Variants in NEK10 observed in about 807,000 individuals in gnomAD.
The protein encoded by NEK10 is serine/threonine-protein kinase Nek10.
Under a neutral mutation model 159.8 loss-of-function variants are expected in NEK10, and 122 were observed. The ratio of observed to expected loss-of-function variants is 0.76; its 90% confidence interval spans 0.66 to 0.89. The LOEUF is 0.89. Among genes scored for constraint, NEK10 ranks in the 40% least tolerant of loss-of-function variants. The pLI, the probability that NEK10 is intolerant of heterozygous loss-of-function variation, is 0.00. For synonymous variants in NEK10, 466 were observed against 457.1 expected (o/e 1.02, Z -0.25); for missense variants, 1,342 against 1,323.1 (o/e 1.01, Z -0.22).
chr3:27,316,918 C>T (rs1296051841), intron 6 of NEK10, among the ~76,000 whole-genome samples: 1 of 152,180 alleles, frequency 6.6e-6, no homozygotes, highest in Non-Finnish European at 1.5e-5. Flanking sequence ...CTGCTGAGCA[C>T]TATAAGTCTC....
At chr3:27,343,814 G>A (rs529775033) in intron 5 of NEK10, among the ~76,000 whole-genome samples, 5 of 152,188 alleles carry the variant, frequency 3.3e-5, no homozygotes, top group African/African-American at 1.2e-4. Flanking sequence ...AGGAATGTTC[G>A]ATTTGGTCCT....
At position 27,344,138 on chromosome 3, in the gene NEK10, C is replaced by G. The variant is rs995182193; in HGVS notation, c.362+134G>C. ...GATTTTAATGAGATCATCTGTAATG[C>G]CTACTCATTTGCCTCCTTCTTTCCT... On this transcript the variant is annotated intron_variant, in intron 5 of 35. Coordinates refer to ENST00000691995, the MANE Select transcript of NEK10 (RefSeq NM_001394966.1). 3 of 524,676 alleles carry G rather than the reference C, an allele frequency of 5.7e-6. No individual in the cohort carries two copies. The Admixed American group carries it at 1.1e-4, about 19-fold the overall frequency. The allele number at this position is 524,676 out of a possible 1,614,324, so 32.5% of individuals were successfully genotyped here. A position where few individuals can be genotyped will look rare whatever the true frequency, so the allele number is the denominator to read the frequency against.
At chr3:27,162,279 A>C (rs1356292320) in intron 30 of NEK10, 1 of 1,098,956 alleles carries the variant, frequency 9.1e-7, no homozygotes, top group Non-Finnish European at 1.3e-6. Flanking sequence ...CCAACAGTGA[A>C]CACAGAAGGC....
At chr3:27,116,048 C>T in intron 34 of NEK10, 27 bp downstream of exon 34, 1 of 1,612,654 alleles carries the variant, frequency 6.2e-7, no homozygotes, top group Non-Finnish European at 8.5e-7. Flanking sequence ...AAAATAAAAT[C>T]ATTCAGAGAC....
intron 5 of NEK10, among the ~76,000 whole-genome samples, chr3:27,342,013 T>A (rs59068900): frequency 0.016 from 2,505 of 152,008 alleles, 79 homozygotes; most frequent in African/African-American, 0.058. Context: ...ATACAAATTG[T>A]GTATATTTAG....
Position 27,308,943 on chromosome 3 carries a change from C to T in NEK10, c.699G>A (p.Leu233=). 6.3e-7 allele frequency: 1 copy of T among 1,592,290 alleles called. No individual in the cohort carries two copies. Among genetic ancestry groups the T allele is most frequent in the Non-Finnish European group, 8.6e-7 (1 of 1,161,932 alleles). The change falls in exon 10 of 36, where the codon CTG becomes CTA. Residue 233 remains leucine (L), a synonymous_variant. Coordinates refer to ENST00000691995, the MANE Select transcript of NEK10 (RefSeq NM_001394966.1). ...TNVLLGSLLA[L]ASLAESQECR... The stretch of plus-strand genomic sequence containing the variant: ...CTACTTACCTTTCTGCTAAACTAGC[C>T]AGAGCCAGAAGGGAACCCAATAGAA...
In NEK10 at chr3:27,224,472, T is replaced by C. The variant is rs187226126; in HGVS notation, c.2091-21915A>G. On this transcript the variant is annotated intron_variant, in intron 23 of 35. Coordinates refer to ENST00000691995, the MANE Select transcript of NEK10 (RefSeq NM_001394966.1). ...TTAAATAAGGCCTATGGGCAAACTT[T>C]CATCAATGAGAGACAGGAAATGAAT... Among the ~76,000 whole-genome samples, 9 of 152,350 alleles carry C rather than the reference T, an allele frequency of 5.9e-5. No individual in the cohort carries two copies. The East Asian group carries it at 1.7e-3, about 29-fold the overall frequency.
At chr3:27,272,545 C>G (rs147758470) in intron 22 of NEK10, among the ~76,000 whole-genome samples, 2 of 152,162 alleles carry the variant, frequency 1.3e-5, no homozygotes, top group African/African-American at 4.8e-5. Flanking sequence ...TATTTGACAA[C>G]GAAACAATCT....
intron 5 of NEK10, 55 bp from the exon 6 acceptor site, chr3:27,322,316 T>G: frequency 1.9e-6 from 2 of 1,064,512 alleles, no homozygotes; most frequent in South Asian, 1.4e-5. Context: ...GTGTGGCAAT[T>G]CATAAAAATG....
chr3:27,324,218 G>C (rs1010461463), intron 5 of NEK10, among the ~76,000 whole-genome samples: 8 of 152,182 alleles, frequency 5.3e-5, no homozygotes, highest in Non-Finnish European at 8.8e-5. Flanking sequence ...AGTAGTAAAT[G>C]CAGTCAAAAT....
chr3:27,339,733 C>T lies in NEK10; in HGVS notation c.362+4539G>A, dbSNP rs146152777. On this transcript the variant is annotated intron_variant, in intron 5 of 35. Transcript: ENST00000691995. ...GGTAGAAGTTGCAGTGAGCCGAGAT[C>T]GGGCCACTGCACTCCAGCCTGGGCC... Among the ~76,000 whole-genome samples, 136 of 145,974 alleles carry T rather than the reference C, an allele frequency of 9.3e-4. 2 individuals carry two copies. The East Asian group carries it at 0.022, about 24-fold the overall frequency.
intron 23 of NEK10, among the ~76,000 whole-genome samples, chr3:27,237,630 T>A (rs956453610): frequency 3.3e-5 from 5 of 151,732 alleles, no homozygotes; most frequent in East Asian, 3.9e-4. Context: ...AATGATATAA[T>A]GGATTTTGGG....
At chr3:27,273,366 A>G (rs1193602361) in intron 22 of NEK10, among the ~76,000 whole-genome samples, 3 of 152,168 alleles carry the variant, frequency 2.0e-5, no homozygotes, top group African/African-American at 7.2e-5. Flanking sequence ...TAGTAGAGAG[A>G]GACTTGGTTA....
intron 22 of NEK10, among the ~76,000 whole-genome samples, chr3:27,283,632 A>G (rs565706046): frequency 6.6e-6 from 1 of 152,316 alleles, no homozygotes; most frequent in South Asian, 2.1e-4. Context: ...GAGAAAGCTA[A>G]TATGTCATCC....
chr3:27,307,562 C>T (rs976315433), intron 11 of NEK10, among the ~76,000 whole-genome samples: 1 of 152,100 alleles, frequency 6.6e-6, no homozygotes, highest in African/African-American at 2.4e-5. Context: ...CTCAGAGTTT[C>T]TTTCCCTAAA....
At chr3:27,328,293 T>G (rs1288785397) in intron 5 of NEK10, among the ~76,000 whole-genome samples, 35 of 152,212 alleles carry the variant, frequency 2.3e-4, no homozygotes, top group Non-Finnish European at 4.4e-5. Context: ...GCTTACATTC[T>G]GATCACAAAA....
intron 23 of NEK10, among the ~76,000 whole-genome samples, chr3:27,226,360 A>AAGAC (rs1952647242): frequency 2.0e-5 from 3 of 151,990 alleles, no homozygotes; most frequent in Admixed American, 6.6e-5. Flanking sequence ...TTTTAAAAAA[A>AAGAC]AGAAAGAAAG....
chr3:27,262,495 A>G (rs1197202210), intron 22 of NEK10, among the ~76,000 whole-genome samples: 3 of 152,168 alleles, frequency 2.0e-5, no homozygotes, highest in Non-Finnish European at 4.4e-5. Flanking sequence ...TGGTCTTTTC[A>G]TATAGTCCCA....
intron 23 of NEK10, among the ~76,000 whole-genome samples, chr3:27,231,782 G>A (rs192397726): frequency 3.3e-5 from 5 of 151,372 alleles, no homozygotes; most frequent in Admixed American, 2.6e-4. Context: ...ACAACTCTCC[G>A]AGATCAAATA....
Sources: allele counts gnomAD v4.1 joint callset (sites outside exome capture counted in the v4.1 genomes callset), GRCh38; gene constraint gnomAD v4.1.1; transcripts MANE v1.5; gene names NCBI Gene and HGNC (gene_info 2026-07-23, HGNC 2026-07-21).